The following DPF3 variants were observed in gnomAD, a reference collection of about 807,000 sequenced individuals.
The protein encoded by DPF3 is zinc finger protein DPF3.
DPF3 carries 18 observed loss-of-function variants against 56.8 expected under a neutral mutation model. That is an observed-to-expected ratio of 0.32 (90% CI 0.22 to 0.47). The LOEUF (loss-of-function observed/expected upper bound fraction) is 0.47, where lower values mean the gene tolerates loss of function less well. Ranked by LOEUF, DPF3 falls within the 20% of genes least tolerant of loss-of-function variation. The probability of loss-of-function intolerance (pLI) is 1.00; values close to 1 mark genes in which losing one functional copy is unlikely to be tolerated. For missense variants in DPF3, 403 were observed against 488.8 expected, an observed-to-expected ratio of 0.82 and a Z score of 1.65; for synonymous variants, 188 against 180.2, an observed-to-expected ratio of 1.04 and a Z score of -0.35.
chr14:72,814,191 C>T (rs1249666946), intron 1 of DPF3, among the ~76,000 whole-genome samples: 2 of 152,076 alleles, frequency 1.3e-5, no homozygotes. Context: ...ATGGTGCAGC[C>T]CTCCTAAGGC....
chr14:72,819,322 G>A (rs1285660742), intron 1 of DPF3, among the ~76,000 whole-genome samples: 1 of 152,196 alleles, frequency 6.6e-6, no homozygotes, highest in African/African-American at 2.4e-5. Context: ...TTTACCATAT[G>A]ATTGAGAAGT....
intron 1 of DPF3, among the ~76,000 whole-genome samples, chr14:72,857,256 C>T (rs1203292833): frequency 3.3e-5 from 5 of 152,168 alleles, no homozygotes; most frequent in Admixed American, 1.3e-4. Context: ...CAGAAGCTGA[C>T]ACAATCAGCT....
At chr14:72,874,799 C>T (rs556387153) in intron 1 of DPF3, among the ~76,000 whole-genome samples, 1 of 152,340 alleles carries the variant, frequency 6.6e-6, no homozygotes, top group South Asian at 2.1e-4. Context: ...CAAACTGTTC[C>T]AATCTCTGCC....
intron 1 of DPF3, chr14:72,806,206 G>C (rs895032225): frequency 2.0e-5 from 3 of 152,266 alleles, no homozygotes; most frequent in Non-Finnish European, 2.9e-5. Flanking sequence ...TCAGCTCTTA[G>C]CCATCCTTCC....
chr14:72,756,257 C>T (rs1890784415), intron 2 of DPF3, among the ~76,000 whole-genome samples: 2 of 152,214 alleles, frequency 1.3e-5, no homozygotes, highest in Admixed American at 6.5e-5. Flanking sequence ...CTACAACATT[C>T]CTGCCCATGT....
intron 6 of DPF3, among the ~76,000 whole-genome samples, chr14:72,708,886 C>T (rs919361866): frequency 4.6e-5 from 7 of 152,204 alleles, no homozygotes; most frequent in African/African-American, 1.7e-4. Flanking sequence ...GGAAGAAAGG[C>T]GCCACTGTGT....
intron 1 of DPF3, among the ~76,000 whole-genome samples, chr14:72,834,126 C>T (rs1195564535): frequency 7.9e-5 from 12 of 151,360 alleles, no homozygotes; most frequent in Admixed American, 7.9e-4. Flanking sequence ...TGCCGTGAGC[C>T]GAGACTGCGC....
chr14:72,634,070 G>A (rs1364636431), intron 8 of DPF3, among the ~76,000 whole-genome samples: 7 of 152,152 alleles, frequency 4.6e-5, no homozygotes, highest in African/African-American at 1.7e-4. Context: ...ACAGCCTCAA[G>A]CCCCCGACAA....
chr14:72,745,267 T>A (rs989713107), intron 3 of DPF3, among the ~76,000 whole-genome samples: 1 of 152,222 alleles, frequency 6.6e-6, no homozygotes, highest in African/African-American at 2.4e-5. Context: ...TTGCTTTTTG[T>A]TGTGCAATTT....
chr14:72,774,522 G>C (rs1422919597), intron 1 of DPF3, among the ~76,000 whole-genome samples: 2 of 152,042 alleles, frequency 1.3e-5, no homozygotes, highest in Non-Finnish European at 2.9e-5. Context: ...AAGTCAACGG[G>C]TCAGGTTCTA....
At chr14:72,783,205 C>G (rs1433238230) in intron 1 of DPF3, among the ~76,000 whole-genome samples, 1 of 152,076 alleles carries the variant, frequency 6.6e-6, no homozygotes, top group African/African-American at 2.4e-5. Flanking sequence ...CCTGCCCTAC[C>G]CTTTGCTATC....
chr14:72,848,320 T>C (rs571128395), intron 1 of DPF3, among the ~76,000 whole-genome samples: 20 of 152,186 alleles, frequency 1.3e-4, no homozygotes, highest in African/African-American at 4.8e-4. Flanking sequence ...TGCACCACCA[T>C]GCCCGGCTAA....
At position 72,611,334 on chromosome 14, in the gene DPF3, G is replaced by A. The variant is rs1883711215; in HGVS notation, c.*7963C>T. Among the ~76,000 whole-genome samples the A allele has an allele frequency of 6.6e-6, 1 of 152,240 alleles. No homozygotes were observed. The highest frequency in any genetic ancestry group is 2.1e-4 in the South Asian group (1 of 4,838). ...TCAACACAAACAACTGAGAGTCTAA[G>A]CCAGCACGAAGCTAGGATCTGACAA... On this transcript the variant is annotated 3_prime_UTR_variant, in exon 11 of 11. Transcript: ENST00000556509.
chr14:72,640,888 T>C (rs1393819846), intron 8 of DPF3, among the ~76,000 whole-genome samples: 1 of 152,070 alleles, frequency 6.6e-6, no homozygotes, highest in Non-Finnish European at 1.5e-5. Context: ...TGGTGAGACA[T>C]TCAGGAAGAG....
chr14:72,741,109 T>A (rs547789140), intron 3 of DPF3, among the ~76,000 whole-genome samples: 1 of 152,294 alleles, frequency 6.6e-6, no homozygotes, highest in South Asian at 2.1e-4. Context: ...CTGGGCCAGA[T>A]GGCACACACT....
intron 8 of DPF3, among the ~76,000 whole-genome samples, chr14:72,635,680 A>T (rs1885364931): frequency 6.6e-6 from 1 of 152,230 alleles, no homozygotes; most frequent in Non-Finnish European, 1.5e-5. Flanking sequence ...TCCTCTATAG[A>T]TATTCAGTAC....
chr14:72,637,513 G>T (rs187510894), intron 8 of DPF3, among the ~76,000 whole-genome samples: 40 of 152,150 alleles, frequency 2.6e-4, no homozygotes, highest in African/African-American at 9.2e-4. Context: ...ACTCTTCCAG[G>T]TACTGGGGAT....
At chr14:72,768,355 T>C (rs771767184) in intron 2 of DPF3, among the ~76,000 whole-genome samples, 4 of 152,190 alleles carry the variant, frequency 2.6e-5, no homozygotes, top group Non-Finnish European at 5.9e-5. Flanking sequence ...GACAACTATA[T>C]TATAAAGGGA....
intron 3 of DPF3, among the ~76,000 whole-genome samples, chr14:72,751,297 C>T (rs1185483431): frequency 1.3e-5 from 2 of 152,160 alleles, no homozygotes; most frequent in Non-Finnish European, 2.9e-5. Flanking sequence ...TTACATAAGG[C>T]TTTTTTGGTA....
Sources: gnomAD v4.1 joint callset for allele counts (sites outside exome capture counted in the v4.1 genomes callset) on GRCh38, gnomAD v4.1.1 for gene constraint, MANE v1.5 for transcripts, NCBI Gene and HGNC (gene_info 2026-07-23, HGNC 2026-07-21) for gene names.